The following SLC35F4 variants were observed in gnomAD, a reference collection of about 807,000 sequenced individuals.
The protein encoded by SLC35F4 is chromosome 14 open reading frame 36.
A neutral mutation model predicts 44.2 loss-of-function variants in SLC35F4; 24 were observed. The ratio of observed to expected loss-of-function variants is 0.54; its 90% confidence interval spans 0.39 to 0.76. The LOEUF (loss-of-function observed/expected upper bound fraction) is 0.76, where lower values mean the gene tolerates loss of function less well. Ranked by LOEUF, SLC35F4 falls within the 30% of genes least tolerant of loss-of-function variation. The pLI is 0.00. For synonymous variants in SLC35F4, 238 were observed against 223.6 expected, an observed-to-expected ratio of 1.06 and a Z score of -0.57; for missense variants, 562 against 586.1, an observed-to-expected ratio of 0.96 and a Z score of 0.42.
At chr14:57,799,533 C>G (rs1451639317) in intron 1 of SLC35F4, 1 of 152,408 alleles carries the variant, frequency 6.6e-6, no homozygotes, top group East Asian at 1.9e-4. Flanking sequence ...AAGCACCTCA[C>G]AAGTTAAGAC....
At chr14:57,782,431 T>C (rs1566848975) in intron 1 of SLC35F4, among the ~76,000 whole-genome samples, 1 of 152,018 alleles carries the variant, frequency 6.6e-6, no homozygotes, top group African/African-American at 2.4e-5. Context: ...ATGTAGATAC[T>C]AGTCTATTTG....
intron 1 of SLC35F4, among the ~76,000 whole-genome samples, chr14:57,928,342 A>C (rs902601600): frequency 1.3e-5 from 2 of 152,204 alleles, no homozygotes; most frequent in African/African-American, 4.8e-5. Flanking sequence ...TCCCTACTGC[A>C]GTGGTGTTGG....
At chr14:57,767,592 A>G (rs2077264534) in intron 1 of SLC35F4, among the ~76,000 whole-genome samples, 1 of 152,180 alleles carries the variant, frequency 6.6e-6, no homozygotes, top group Non-Finnish European at 1.5e-5. Context: ...TTAGGAATGC[A>G]GAAAGGTCTC....
At chr14:57,574,496 C>T (rs2139731596) in intron 4 of SLC35F4, among the ~76,000 whole-genome samples, 1 of 152,180 alleles carries the variant, frequency 6.6e-6, no homozygotes, top group South Asian at 2.1e-4. Flanking sequence ...GAAAAATTCT[C>T]CATGACATGA....
intron 1 of SLC35F4, among the ~76,000 whole-genome samples, chr14:57,814,085 T>G (rs1357508883): frequency 1.3e-5 from 2 of 152,208 alleles, no homozygotes; most frequent in Admixed American, 6.5e-5. Flanking sequence ...AACTTTAACA[T>G]GTTCATCTGC....
At chr14:57,900,641 T>C (rs1888980144) in intron 1 of SLC35F4, among the ~76,000 whole-genome samples, 1 of 152,120 alleles carries the variant, frequency 6.6e-6, no homozygotes, top group Non-Finnish European at 1.5e-5. Context: ...CTGACAAAAA[T>C]GCCAAAAGCA....
At chr14:57,680,780 G>A (rs1238382176) in intron 1 of SLC35F4, among the ~76,000 whole-genome samples, 1 of 152,036 alleles carries the variant, frequency 6.6e-6, no homozygotes, top group Admixed American at 6.6e-5. Context: ...TTGCTACAAA[G>A]AGAATAAAAT....
chr14:57,836,683 C>A (rs1884968419), intron 1 of SLC35F4, among the ~76,000 whole-genome samples: 1 of 152,126 alleles, frequency 6.6e-6, no homozygotes, highest in Admixed American at 6.6e-5. Context: ...GTACTCAGCA[C>A]AGCAAATATC....
At chr14:57,681,372 C>G (rs1057106001) in intron 1 of SLC35F4, among the ~76,000 whole-genome samples, 3 of 152,044 alleles carry the variant, frequency 2.0e-5, no homozygotes, top group Admixed American at 6.5e-5. Flanking sequence ...TAAATTAACT[C>G]TAGATGGATT....
At chr14:57,915,996 A>C (rs577270547) in intron 1 of SLC35F4, among the ~76,000 whole-genome samples, 2 of 152,182 alleles carry the variant, frequency 1.3e-5, no homozygotes, top group African/African-American at 4.8e-5. Flanking sequence ...TCTTGTTATC[A>C]ATTGTTTTAG....
chr14:57,909,807 A>T (rs1317907586), intron 1 of SLC35F4, among the ~76,000 whole-genome samples: 1 of 152,148 alleles, frequency 6.6e-6, no homozygotes, highest in Non-Finnish European at 1.5e-5. Flanking sequence ...ATGTGGACAT[A>T]AGTTTTCAAT....
intron 1 of SLC35F4, among the ~76,000 whole-genome samples, chr14:57,925,515 G>GAGGAAGGAAGGAAGGAAGGAAGGA (rs1555401969): frequency 1.9e-4 from 12 of 63,640 alleles, no homozygotes; most frequent in African/African-American, 6.5e-4. Flanking sequence ...GGGAGGGAGG[G>GAGGAAGGAAGGAAGGAAGGAAGGA]AGGGAGGGAG....
At chr14:57,695,656 C>A (rs1566771822) in intron 1 of SLC35F4, among the ~76,000 whole-genome samples, 1 of 152,092 alleles carries the variant, frequency 6.6e-6, no homozygotes, top group Non-Finnish European at 1.5e-5. Context: ...TTTGACCCAG[C>A]CATCCCATTA....
intron 1 of SLC35F4, among the ~76,000 whole-genome samples, chr14:57,667,325 T>TTTG (rs202055697): frequency 2.0e-5 from 3 of 150,582 alleles, no homozygotes; most frequent in Non-Finnish European, 3.0e-5. Context: ...ATTTTACTTT[T>TTTG]TTGTTGTTGT....
chr14:57,720,190 T>C (rs1188906307), intron 1 of SLC35F4, among the ~76,000 whole-genome samples: 1 of 152,190 alleles, frequency 6.6e-6, no homozygotes, highest in African/African-American at 2.4e-5. Flanking sequence ...TCCCACTTGA[T>C]CATGATGAAT....
chr14:57,611,065 AC>A (rs1316135698), intron 1 of SLC35F4, among the ~76,000 whole-genome samples: 1 of 152,216 alleles, frequency 6.6e-6, no homozygotes, highest in African/African-American at 2.4e-5. Flanking sequence ...TTATGGGCAA[AC>A]TGGGACTTAA....
chr14:57,698,031 G>A (rs770889971), intron 1 of SLC35F4, among the ~76,000 whole-genome samples: 19 of 152,160 alleles, frequency 1.2e-4, no homozygotes, highest in Non-Finnish European at 1.8e-4. Flanking sequence ...AATTGTTTGT[G>A]CTTCAGTTCT....
At chr14:57,627,285 C>T (rs1054958270) in intron 1 of SLC35F4, among the ~76,000 whole-genome samples, 6 of 151,992 alleles carry the variant, frequency 3.9e-5, no homozygotes, top group Admixed American at 6.6e-5. Context: ...CATTTATCTT[C>T]GTAGTCTCAA....
At chr14:57,976,807 C>T (rs990770830) in exon 2 of SLC35F4, 4 of 152,202 alleles carry the variant, frequency 2.6e-5, no homozygotes, top group Non-Finnish European at 4.4e-5. Flanking sequence ...AAGAGGTTCA[C>T]ATTTTTCATG....
Sources: allele counts gnomAD v4.1 joint callset (sites outside exome capture counted in the v4.1 genomes callset), GRCh38; gene constraint gnomAD v4.1.1; transcripts MANE v1.5; gene names NCBI Gene and HGNC (gene_info 2026-07-23, HGNC 2026-07-21).